Variants in DPP8 observed in about 807,000 individuals in gnomAD.
DPP8 encodes dipeptidyl peptidase 8, also known as DPP VIII.
A neutral mutation model predicts 107.5 loss-of-function variants in DPP8; 31 were observed. That is an observed-to-expected ratio of 0.29 (90% CI 0.22 to 0.39). The LOEUF (loss-of-function observed/expected upper bound fraction) is 0.39, where lower values mean the gene tolerates loss of function less well. Ranked by LOEUF, DPP8 falls within the 10% of genes least tolerant of loss-of-function variation. The pLI is 1.00. For missense variants in DPP8, 842 were observed against 1,076.1 expected, an observed-to-expected ratio of 0.78 and a Z score of 3.04; for synonymous variants, 381 against 356.6, an observed-to-expected ratio of 1.07 and a Z score of -0.77.
intron 12 of DPP8, among the ~76,000 whole-genome samples, chr15:65,473,251 G>C (rs942667551): frequency 7.3e-5 from 11 of 151,604 alleles, no homozygotes; most frequent in Admixed American, 6.6e-4. Context: ...CTTGAACCCA[G>C]GAGGTGGAAG....
chr15:65,488,957 T>C (rs370982094), intron 6 of DPP8, among the ~76,000 whole-genome samples: 1 of 152,176 alleles, frequency 6.6e-6, no homozygotes, highest in African/African-American at 2.4e-5. Context: ...CATTAAGGTG[T>C]GGTTTTTTGT....
chr15:65,498,264 A>G (rs2068805162), intron 4 of DPP8, among the ~76,000 whole-genome samples: 2 of 152,106 alleles, frequency 1.3e-5, no homozygotes, highest in African/African-American at 4.8e-5. Flanking sequence ...TCTACCAAAA[A>G]TACAAAAATT....
intron 10 of DPP8, among the ~76,000 whole-genome samples, chr15:65,479,706 C>T (rs949823736): frequency 4.6e-5 from 7 of 151,154 alleles, no homozygotes; most frequent in South Asian, 4.2e-4. Context: ...TAGCCGGGCG[C>T]GGTGGCGGGC....
Position 65,466,660 on chromosome 15 carries a change from A to T in DPP8, c.1825+18T>A. The T allele has an allele frequency of 6.2e-7, 1 of 1,610,344 alleles. No individual in the cohort carries two copies. Among genetic ancestry groups the T allele is most frequent in the East Asian group, 2.2e-5 (1 of 44,856 alleles). The stretch of plus-strand genomic sequence containing the variant: ...ATTAATCCTACTTAACGTCAGGATC[A>T]GGGGGAAAAAAGAATACCTGCTGAA... On this transcript the variant is annotated intron_variant, in intron 14 of 19. Coordinates refer to ENST00000300141, the MANE Select transcript of DPP8 (RefSeq NM_130434.5).
chr15:65,480,084 T>C (rs563807775), intron 10 of DPP8, 138 bp downstream of exon 10: 17 of 670,830 alleles, frequency 2.5e-5, no homozygotes, highest in Admixed American at 1.5e-4. Flanking sequence ...ATCACTCCAA[T>C]TGGAAATGCT....
At chr15:65,467,882 C>T (rs2065498322) in intron 12 of DPP8, among the ~76,000 whole-genome samples, 1 of 152,112 alleles carries the variant, frequency 6.6e-6, no homozygotes, top group Non-Finnish European at 1.5e-5. Flanking sequence ...ACTTGAAAGT[C>T]TAATTTTACT....
chr15:65,486,306 G>A (rs994456356), intron 7 of DPP8, among the ~76,000 whole-genome samples: 2 of 151,936 alleles, frequency 1.3e-5, no homozygotes, highest in African/African-American at 4.8e-5. Context: ...GGAGGCTGAG[G>A]CAGGAGAATC....
At chr15:65,484,295 C>T (rs184837584) in intron 8 of DPP8, among the ~76,000 whole-genome samples, 1 of 150,106 alleles carries the variant, frequency 6.7e-6, no homozygotes, top group African/African-American at 2.5e-5. Flanking sequence ...CACTGCACTC[C>T]AGCCCGGGTG....
intron 17 of DPP8, 107 bp downstream of exon 17, chr15:65,454,156 A>C: frequency 1.1e-6 from 1 of 897,792 alleles, no homozygotes; most frequent in East Asian, 3.2e-5. Flanking sequence ...AAAAAAAAAA[A>C]ATTGCCAACT....
At chr15:65,508,130 T>G (rs1423436822) in intron 2 of DPP8, among the ~76,000 whole-genome samples, 1 of 151,522 alleles carries the variant, frequency 6.6e-6, no homozygotes, top group Non-Finnish European at 1.5e-5. Flanking sequence ...ATCCCAGCTA[T>G]TTGGGTGGCT....
Position 65,466,818 on chromosome 15 carries a change from A to G in DPP8, c.1690-5T>C. On this transcript the variant is annotated splice_polypyrimidine_tract_variant and splice_region_variant and intron_variant, in intron 13 of 19. Transcript: ENST00000300141. ...ACTTATAAAGAAGTCACAGTGCTAG[A>G]GAAAGGAGAAACAATTATATTTTTC... The G allele has an allele frequency of 6.2e-7, 1 of 1,607,522 alleles. No homozygotes were observed. Among genetic ancestry groups the G allele is most frequent in the Admixed American group, 1.7e-5 (1 of 57,660 alleles).
intron 12 of DPP8, among the ~76,000 whole-genome samples, chr15:65,469,889 C>T (rs1229746050): frequency 2.0e-5 from 3 of 151,822 alleles, no homozygotes; most frequent in Non-Finnish European, 2.9e-5. Context: ...TACCCAATTA[C>T]TGCCATTAGA....
At chr15:65,455,512 T>C in intron 16 of DPP8, 1 of 291,552 alleles carries the variant, frequency 3.4e-6, no homozygotes, top group East Asian at 1.1e-4. Flanking sequence ...TTCCCTATTA[T>C]ACTACCTCTA....
chr15:65,449,503 G>A (rs990063389), intron 19 of DPP8, among the ~76,000 whole-genome samples: 6 of 151,452 alleles, frequency 4.0e-5, no homozygotes, highest in African/African-American at 9.7e-5. Flanking sequence ...TCTGCCTCCC[G>A]GGTTCAAGCA....
chr15:65,456,714 TAAG>T (rs1429314271), intron 15 of DPP8, among the ~76,000 whole-genome samples: 2 of 152,116 alleles, frequency 1.3e-5, no homozygotes, highest in African/African-American at 4.8e-5. Context: ...CAAGGACAAA[TAAG>T]AAAAACTTTC....
At chr15:65,491,903 T>TTTGTATTTTTAG (rs1435011659) in intron 5 of DPP8, among the ~76,000 whole-genome samples, 2 of 152,128 alleles carry the variant, frequency 1.3e-5, no homozygotes, top group Non-Finnish European at 2.9e-5. Context: ...CGGCTAATTT[T>TTTGTATTTTTAG]TTCTATTTTT....
intron 3 of DPP8, among the ~76,000 whole-genome samples, chr15:65,505,185 C>T (rs2069803083): frequency 6.6e-6 from 1 of 151,650 alleles, no homozygotes; most frequent in Non-Finnish European, 1.5e-5. Flanking sequence ...GAAACCCCGT[C>T]CGTACTAAAA....
intron 3 of DPP8, among the ~76,000 whole-genome samples, chr15:65,501,184 ATT>A (rs916335513): frequency 1.3e-5 from 2 of 148,310 alleles, no homozygotes; most frequent in Non-Finnish European, 1.5e-5. Context: ...GCGACTCTAC[ATT>A]TTTTTTTTCA....
chr15:65,465,097 C>T (rs183239771), intron 14 of DPP8, among the ~76,000 whole-genome samples: 1 of 151,992 alleles, frequency 6.6e-6, no homozygotes, highest in African/African-American at 2.4e-5. Flanking sequence ...CACCATATTA[C>T]AAGTTCTGAT....
Sources: allele counts gnomAD v4.1 joint callset (sites outside exome capture counted in the v4.1 genomes callset), GRCh38; gene constraint gnomAD v4.1.1; transcripts MANE v1.5; gene names NCBI Gene and HGNC (gene_info 2026-07-23, HGNC 2026-07-21).